NAV1: variants seen among roughly 807,000 people sequenced by gnomAD.
NAV1 encodes pore membrane and/or filament interacting like protein 3.
A neutral mutation model predicts 175.2 loss-of-function variants in NAV1; 18 were observed. The ratio of observed to expected loss-of-function variants is 0.10; its 90% CI spans 0.07 to 0.15. NAV1 has a LOEUF of 0.15. Among genes scored for constraint, NAV1 ranks in the 10% least tolerant of loss-of-function variants. NAV1 has a pLI of 1.00. For synonymous variants in NAV1, 897 were observed against 978.7 expected, an observed-to-expected ratio of 0.92 and a Z score of 1.56; for missense variants, 1,731 against 2,436.6, an observed-to-expected ratio of 0.71 and a Z score of 6.10.
chr1:201,658,997 G>A (rs2819377), intron 1 of NAV1, among the ~76,000 whole-genome samples: 7,979 of 152,262 alleles, frequency 0.052, 650 homozygotes, highest in African/African-American at 0.17. Context: ...CATGCCCTGG[G>A]AATTGATTAG....
intron 3 of NAV1, among the ~76,000 whole-genome samples, chr1:201,773,072 T>A (rs576685099): frequency 2.0e-5 from 3 of 152,068 alleles, no homozygotes; most frequent in Admixed American, 6.6e-5. Flanking sequence ...GATGACTGTT[T>A]GCTCAATTGA....
chr1:201,616,491 C>G (rs1668004577), intron 2 of NAV1, among the ~76,000 whole-genome samples: 1 of 149,792 alleles, frequency 6.7e-6, no homozygotes, highest in African/African-American at 2.5e-5. Flanking sequence ...CTCTCTCTCT[C>G]TTTTTTTTTT....
At chr1:201,712,786 C>T (rs367836160) in intron 1 of NAV1, 31 bp from the exon 6 acceptor site, 7 of 1,490,428 alleles carry the variant, frequency 4.7e-6, no homozygotes, top group Non-Finnish European at 6.6e-6. Context: ...GTTCTCTTCA[C>T]TCACCCAGCT....
intron 1 of NAV1, among the ~76,000 whole-genome samples, chr1:201,555,789 A>G (rs1189441907): frequency 2.1e-5 from 3 of 144,446 alleles, no homozygotes; most frequent in Admixed American, 7.2e-5. Context: ...GAGGCCAGAA[A>G]AGGGAGGGGC....
intron 1 of NAV1, among the ~76,000 whole-genome samples, chr1:201,658,523 G>C (rs772340344): frequency 2.0e-5 from 3 of 152,182 alleles, no homozygotes; most frequent in Non-Finnish European, 4.4e-5. Flanking sequence ...GGCAGGTAGT[G>C]ATGAGTCCTG....
intron 1 of NAV1, among the ~76,000 whole-genome samples, chr1:201,546,101 A>AG (rs1001262617): frequency 5.3e-5 from 8 of 152,176 alleles, no homozygotes; most frequent in African/African-American, 1.9e-4. Context: ...ACACACGGTT[A>AG]GGGGGCCCCA....
intron 1 of NAV1, among the ~76,000 whole-genome samples, chr1:201,705,605 C>T (rs1378768258): frequency 2.0e-5 from 3 of 152,128 alleles, no homozygotes; most frequent in African/African-American, 7.2e-5. Context: ...TGACAACTGC[C>T]TCTGACAATA....
At chr1:201,649,253 A>G in exon 1 of NAV1, 8 of 1,613,228 alleles carry the variant, frequency 5.0e-6, no homozygotes, top group Non-Finnish European at 6.8e-6. Flanking sequence ...CCGTGAGCGA[A>G]GATGGCAAAT....
Position 201,702,671 on chromosome 1 carries a change from A to ATTCCCTCTCTCTCTCTCTCT in NAV1, c.758-10143_758-10142insCCTCTCTCTCTCTCTCTTTC, listed in dbSNP as rs1275290667. 2.4e-4 allele frequency among the ~76,000 whole-genome samples: 25 copies of ATTCCCTCTCTCTCTCTCTCT among 105,958 alleles called. 6 individuals carry two copies. The highest frequency in any genetic ancestry group is 9.2e-4 in the African/African-American group (24 of 26,222). The allele number at this position is 105,958 out of a possible 152,430, so 69.5% of individuals were successfully genotyped here. A position where few individuals can be genotyped will look rare whatever the true frequency, so the allele number is the denominator to read the frequency against. On this transcript the variant is annotated intron_variant, in intron 1 of 29. Coordinates refer to ENST00000367296, the Ensembl canonical transcript of NAV1. ...TAAAAGGGTGAATTTTGGTATGTGAATTCTCTCTCTCTCTCTCTCTCTCTC... is the reference window on the plus strand; with the variant it reads ...TAAAAGGGTGAATTTTGGTATGTGAATTCCCTCTCTCTCTCTCTCTTTCTCTCTCTCTCTCTCTCTCTCTC...
intron 1 of NAV1, among the ~76,000 whole-genome samples, chr1:201,581,864 T>G (rs996621665): frequency 6.6e-6 from 1 of 151,546 alleles, no homozygotes. Flanking sequence ...CCTGATAAGG[T>G]TCTAAGAATT....
Position 201,718,865 on chromosome 1 carries a change from G to T in NAV1, c.1226+110G>T, listed in dbSNP as rs1156933530. 6 of 1,357,224 alleles carry T rather than the reference G, an allele frequency of 4.4e-6. No individual in the cohort carries two copies. The African/African-American group carries it at 8.7e-5, about 20-fold the overall frequency. 84.1% of individuals were successfully genotyped at this position (1,357,224 alleles called of 1,614,324 possible). A position where few individuals can be genotyped will look rare whatever the true frequency, so the allele number is the denominator to read the frequency against. On this transcript the variant is annotated intron_variant, in intron 3 of 29. Transcript: ENST00000367296. The surrounding 1 kb of genome is among the most constrained non-coding windows in gnomAD (Gnocchi z 4.8). ...AAAACGGGTTTTGGTTTGCTGTGCT[G>T]CTATGAAAGTACACAAAAGTGTGCT...
At chr1:201,544,344 C>T (rs1665606414) in intron 1 of NAV1, among the ~76,000 whole-genome samples, 1 of 152,180 alleles carries the variant, frequency 6.6e-6, no homozygotes, top group African/African-American at 2.4e-5. Flanking sequence ...CCCATCTGGT[C>T]GGTAATACTG....
intron 2 of NAV1, among the ~76,000 whole-genome samples, chr1:201,609,786 A>G (rs909872092): frequency 6.6e-6 from 1 of 152,110 alleles, no homozygotes; most frequent in Non-Finnish European, 1.5e-5. Context: ...TCCATCAGGA[A>G]TCTAAGCTAT....
chr1:201,756,868 CTTTCTT>C (rs1674536823), intron 3 of NAV1, among the ~76,000 whole-genome samples: 1 of 122,294 alleles, frequency 8.2e-6, no homozygotes, highest in African/African-American at 3.2e-5. Context: ...TTCTTTCTTT[CTTTCTT>C]TCTTTCTTTC....
intron 1 of NAV1, among the ~76,000 whole-genome samples, chr1:201,698,160 G>C (rs1358220331): frequency 6.6e-6 from 1 of 152,174 alleles, no homozygotes; most frequent in Non-Finnish European, 1.5e-5. Flanking sequence ...CCTGAGACTT[G>C]CCCTGTTGCC....
chr1:201,588,861 T>C (rs1420369669), intron 2 of NAV1, among the ~76,000 whole-genome samples: 1 of 152,116 alleles, frequency 6.6e-6, no homozygotes, highest in East Asian at 1.9e-4. Flanking sequence ...TTTTTTTTCT[T>C]TTTTGAAATG....
rs1433774483 is a variant in NAV1 at position 201,570,811 on chromosome 1, G to A, written c.-143-17728G>A. On this transcript the variant is annotated intron_variant, in intron 1 of 33. Coordinates refer to the NAV1 transcript ENST00000685211. ...GTTCCCAGAAGTCCAGGTCTAGGAA[G>A]AAGGCTGCCTCCACACATTCTCCAT... 2.6e-5 allele frequency among the ~76,000 whole-genome samples: 4 copies of A among 152,244 alleles called. No individual in the cohort carries two copies. The South Asian group carries it at 8.3e-4, about 31-fold the overall frequency.
upstream of NAV1, among the ~76,000 whole-genome samples, chr1:201,622,246 G>A (rs1483566334): frequency 6.6e-6 from 1 of 152,210 alleles, no homozygotes; most frequent in Non-Finnish European, 1.5e-5. Context: ...AGGGCCCAGG[G>A]AATGGCAGGA....
At chr1:201,665,169 C>A (rs536042888) in intron 1 of NAV1, among the ~76,000 whole-genome samples, 3 of 152,082 alleles carry the variant, frequency 2.0e-5, no homozygotes, top group East Asian at 1.9e-4. Context: ...GCTCCCCCCG[C>A]ACCCTGCCCC....
Sources: allele counts gnomAD v4.1 joint callset (sites outside exome capture counted in the v4.1 genomes callset), GRCh38; gene constraint gnomAD v4.1.1; non-coding constraint Gnocchi (gnomAD v3.1); transcripts MANE v1.5; gene names NCBI Gene and HGNC (gene_info 2026-07-23, HGNC 2026-07-21).